ZBED1: variants seen among roughly 807,000 people sequenced by gnomAD.
ZBED1 encodes the protein E3 SUMO-protein ligase ZBED1.
A neutral mutation model predicts 49.7 loss-of-function variants in ZBED1; 19 were observed. The observed-to-expected ratio is 0.38, with a 90% CI of 0.27 to 0.56. The LOEUF is 0.56. Among genes scored for constraint, ZBED1 ranks in the 20% least tolerant of loss-of-function variants. The probability of loss-of-function intolerance (pLI) is 0.70; values close to 1 mark genes in which losing one functional copy is unlikely to be tolerated. For missense variants in ZBED1, 806 were observed against 972.6 expected, an observed-to-expected ratio of 0.83 and a Z score of 2.28; for synonymous variants, 439 against 440.3, an observed-to-expected ratio of 1.00 and a Z score of 0.04.
rs368603209 is a variant in ZBED1 at position 2,489,110 on chromosome X, G to A, written c.1610C>T (p.Thr537Met). 137 of 1,613,602 alleles carry A rather than the reference G, an allele frequency of 8.5e-5. No individual in the cohort carries two copies. The highest frequency in any genetic ancestry group is 2.5e-4 in the East Asian group (11 of 44,886). ...GTTGATGACGCTGGCGGGCGGCGGCGTGGATGTCCGCATGAGCTTCTTGAC... is the reference window on the plus strand; with the variant it reads ...GTTGATGACGCTGGCGGGCGGCGGCATGGATGTCCGCATGAGCTTCTTGAC... ...PPVKKLMRTS[T>M]PPPASVINNM... The change falls in exon 2 of 2, where the codon ACG (threonine) becomes ATG (methionine). Residue 537 changes from threonine to methionine, a missense_variant. Around this residue, in one of 2 missense-constraint regions of ZBED1, gnomAD observed 749 missense variants for 861.3 expected, o/e 0.87. Transcript: ENST00000652001.
rs146206754 is a variant in ZBED1 at position 2,489,090 on chromosome X, T to C, written c.1630A>G (p.Ile544Val). The C allele has an allele frequency of 1.5e-5, 25 of 1,613,878 alleles. 1 individual carries two copies. The highest frequency in any genetic ancestry group is 1.3e-4 in the East Asian group (6 of 44,882). ...AAGATCTCGGCCAGCATGTTGTTGATGACGCTGGCGGGCGGCGGCGTGGAT... is the reference window on the plus strand; with the variant it reads ...AAGATCTCGGCCAGCATGTTGTTGACGACGCTGGCGGGCGGCGGCGTGGAT... Reference protein sequence around the residue: ...RTSTPPPASVINNMLAEIFCQ... With the variant: ...RTSTPPPASVVNNMLAEIFCQ... Residue 544 changes from isoleucine (I) to valine (V), a missense_variant, in exon 2 of 2, where the codon ATC (isoleucine) becomes GTC (valine). Coordinates refer to ENST00000652001, the MANE Select transcript of ZBED1 (RefSeq NM_001171136.2).
chrX:2,489,562 C>A lies in ZBED1; in HGVS notation c.1158G>T (p.Leu386=). Reference sequence around the variant, plus strand: ...CGATGGTGGCCCACTCGCTGGCCTCCAGCATGAGGTGGTGGTTGTTGCTGT... The same window carrying A: ...CGATGGTGGCCCACTCGCTGGCCTCAAGCATGAGGTGGTGGTTGTTGCTGT... The part of the protein sequence containing the change: ...VEDSNNHHLM[L]EASEWATIEG... Residue 386 remains leucine (L), a synonymous_variant, in exon 2 of 2, where the codon CTG becomes CTT. Transcript: ENST00000652001. The A allele has an allele frequency of 6.2e-7, 1 of 1,612,726 alleles. No individual in the cohort carries two copies. The highest frequency in any genetic ancestry group is 8.5e-7 in the Non-Finnish European group (1 of 1,179,828).
chrX:2,490,028 C>T lies in ZBED1; in HGVS notation c.692G>A (p.Arg231His), dbSNP rs1256861585. The T allele has an allele frequency of 3.1e-6, 5 of 1,613,796 alleles. No individual in the cohort carries two copies. Among genetic ancestry groups the T allele is most frequent in the Middle Eastern group, 1.7e-4 (1 of 6,020 alleles). ...GAPNCLSMGS[R>H]CLKTFEVPEE... ...GGGCACCTCGAAGGTCTTCAGGCAG[C>T]GGGAGCCCATGGACAGGCAGTTGGG... Residue 231 changes from arginine (R) to histidine (H), a missense_variant, in exon 2 of 2, where the codon CGC (arginine) becomes CAC (histidine). By Grantham distance (29) the Arg-to-His change is conservative (BLOSUM62 0). Transcript: ENST00000652001.
At chrX:2,496,877 AAAAT>A (rs1204275735) in intron 1 of ZBED1, among the ~76,000 whole-genome samples, 1 of 148,858 alleles carries the variant, frequency 6.7e-6, no homozygotes, top group African/African-American at 2.4e-5. Context: ...AATTATTCTA[AAAAT>A]ATATATATTT....
rs973984226 is a variant in ZBED1, at chrX:2,490,256, G to A, written c.464C>T (p.Thr155Met). ...DEPTFKVLLK[T>M]ADPRYELPSR... Reference sequence around the variant, plus strand: ...GGGCAGCTCATACCGGGGGTCGGCCGTCTTCAGCAGCACCTTGAAGGTGGG... The same window carrying A: ...GGGCAGCTCATACCGGGGGTCGGCCATCTTCAGCAGCACCTTGAAGGTGGG... The change falls in exon 2 of 2, where the codon ACG (threonine) becomes ATG (methionine). Residue 155 changes from threonine to methionine, a missense_variant. Physicochemically the swap from Thr to Met is moderately conservative, Grantham distance 81 (BLOSUM62 -1). Transcript: ENST00000652001. 6 of 1,613,802 alleles carry A rather than the reference G, an allele frequency of 3.7e-6. No individual in the cohort carries two copies. The highest frequency in any genetic ancestry group is 2.2e-5 in the South Asian group (2 of 91,064).
In ZBED1 at chrX:2,492,086, G is replaced by A. The variant is rs185974423; in HGVS notation, c.-53-1314C>T. Reference sequence around the variant, plus strand: ...TGTTGGGATACAGTCAGTGCAAGGAGGCATATTTCAATGATGACTATAGTG... The same window carrying A: ...TGTTGGGATACAGTCAGTGCAAGGAAGCATATTTCAATGATGACTATAGTG... On this transcript the variant is annotated intron_variant, in intron 1 of 1. Transcript: ENST00000652001. 1.7e-3 allele frequency among the ~76,000 whole-genome samples: 261 copies of A among 152,280 alleles called. 2 individuals are homozygous for A. The highest frequency in any genetic ancestry group is 6.1e-3 in the African/African-American group (253 of 41,548).
chrX:2,490,095 C>G lies in ZBED1; in HGVS notation c.625G>C (p.Ala209Pro). Residue 209 changes from alanine (A) to proline (P), a missense_variant, in exon 2 of 2, where the codon GCC (alanine) becomes CCC (proline). By Grantham distance (27) the Ala-to-Pro change is conservative. Coordinates refer to ENST00000652001, the MANE Select transcript of ZBED1 (RefSeq NM_001171136.2). ...DMWRSENQNR[A>P]YVTLAAHFLG... Reference sequence around the variant, plus strand: ...AAGTGGGCGGCCAGCGTGACGTAGGCGCGGTTCTGATTCTCACTCCTCCAC... The same window carrying G: ...AAGTGGGCGGCCAGCGTGACGTAGGGGCGGTTCTGATTCTCACTCCTCCAC... 1 of 1,613,796 alleles carries G rather than the reference C, an allele frequency of 6.2e-7. No homozygotes were observed. Among genetic ancestry groups the G allele is most frequent in the Non-Finnish European group, 8.5e-7 (1 of 1,179,870 alleles).
chrX:2,494,906 T>G (rs1285966901), intron 1 of ZBED1, among the ~76,000 whole-genome samples: 1 of 151,888 alleles, frequency 6.6e-6, no homozygotes, highest in African/African-American at 2.4e-5. Flanking sequence ...ATTCTATTAT[T>G]ATTCTTATTT....
intron 1 of ZBED1, among the ~76,000 whole-genome samples, chrX:2,493,088 A>G (rs1235442689): frequency 6.6e-6 from 1 of 152,170 alleles, no homozygotes; most frequent in Non-Finnish European, 1.5e-5. Flanking sequence ...CTGGGGTGCA[A>G]GGAGGGGGGT....
chrX:2,490,575 T>C lies in ZBED1; in HGVS notation c.145A>G (p.Ile49Val). Residue 49 changes from isoleucine to valine, a missense_variant, in exon 2 of 2, where the codon ATC becomes GTC. By Grantham distance (29) the Ile-to-Val change is conservative. This residue lies in a region of ZBED1 where 57 missense variants were observed against 111.3 expected (regional missense o/e 0.51). Transcript: ENST00000652001. ...ILQWKKIYCR[I>V]CMAQIAYSGN... Reference sequence around the variant, plus strand: ...GAGTAGGCGATCTGGGCCATGCAGATGCGGCAGTAGATTTTCTTCCACTGC... The same window carrying C: ...GAGTAGGCGATCTGGGCCATGCAGACGCGGCAGTAGATTTTCTTCCACTGC... The C allele has an allele frequency of 6.2e-7, 1 of 1,613,968 alleles. No individual in the cohort carries two copies. Among genetic ancestry groups the C allele is most frequent in the Non-Finnish European group, 8.5e-7 (1 of 1,179,858 alleles).
rs148370162 is a variant in ZBED1, at chrX:2,488,885, G to A, written c.1835C>T (p.Thr612Met). 111 of 1,611,198 alleles carry A rather than the reference G, an allele frequency of 6.9e-5. No homozygotes were observed. Among genetic ancestry groups the A allele is most frequent in the Middle Eastern group, 1.7e-4 (1 of 6,032 alleles). Residue 612 changes from threonine to methionine, a missense_variant, in exon 2 of 2, where the codon ACG becomes ATG. Physicochemically the swap from Thr to Met is moderately conservative, Grantham distance 81 (BLOSUM62 -1). Transcript: ENST00000652001. ...ACGCTCAGGGGCGACGCGCGTGGCCGTCACGCACCAGTACTTCTGCAGCAC... is the reference window on the plus strand; with the variant it reads ...ACGCTCAGGGGCGACGCGCGTGGCCATCACGCACCAGTACTTCTGCAGCAC... ...PKVLQKYWCV[T>M]ATRVAPERLF...
intron 1 of ZBED1, among the ~76,000 whole-genome samples, chrX:2,493,785 C>T (rs893443814): frequency 6.6e-6 from 1 of 152,074 alleles, no homozygotes; most frequent in South Asian, 2.1e-4. Context: ...CCCTGGACAA[C>T]ATGGTGAAAC....
Position 2,486,605 on chromosome X carries a change from CGCT to C in ZBED1, c.*2027_*2029del, listed in dbSNP as rs1375124765. 3.9e-5 allele frequency: 6 copies of C among 152,160 alleles called. No individual in the cohort carries two copies. The allele number at this position is 152,160 out of a possible 1,614,324, so 9.4% of individuals were successfully genotyped here. A position where few individuals can be genotyped will look rare whatever the true frequency, so the allele number is the denominator to read the frequency against. On this transcript the variant is annotated 3_prime_UTR_variant, in exon 2 of 2. Coordinates refer to ENST00000652001, the MANE Select transcript of ZBED1 (RefSeq NM_001171136.2). The stretch of plus-strand genomic sequence containing the variant: ...AGGATTGTTAGAGACGTGAAGAGAA[CGCT>C]GGCAATGCTACAGAATGGAGCCCAC...
chrX:2,488,877 G>A lies in ZBED1; in HGVS notation c.1843C>T (p.Arg615Cys), dbSNP rs769523414. 1.6e-5 allele frequency: 25 copies of A among 1,612,374 alleles called. No individual in the cohort carries two copies. Among genetic ancestry groups the A allele is most frequent in the South Asian group, 3.3e-5 (3 of 90,940 alleles). The stretch of plus-strand genomic sequence containing the variant: ...CCGAAGAGACGCTCAGGGGCGACGC[G>A]CGTGGCCGTCACGCACCAGTACTTC... ...LQKYWCVTATRVAPERLFGSA... is the reference protein window; with the variant it reads ...LQKYWCVTATCVAPERLFGSA... Residue 615 changes from arginine (R) to cysteine (C), a missense_variant, in exon 2 of 2, where the codon CGC (arginine) becomes TGC (cysteine). By Grantham distance (180) the Arg-to-Cys change is radical. Around this residue, in one of 2 missense-constraint regions of ZBED1, gnomAD observed 749 missense variants for 861.3 expected, o/e 0.87. Transcript: ENST00000652001.
At position 2,489,614 on chromosome X, in the gene ZBED1, A is replaced by T; in HGVS notation, c.1106T>A (p.Phe369Tyr). Residue 369 changes from phenylalanine to tyrosine, a missense_variant, in exon 2 of 2, where the codon TTC (phenylalanine) becomes TAC (tyrosine). Phe to Tyr is a conservative substitution (Grantham distance 22). Coordinates refer to ENST00000652001, the MANE Select transcript of ZBED1 (RefSeq NM_001171136.2). ...CTCCACCAAGACCCCGGCGATGACG[A>T]ACTGCTGCTCCTTGAGGCGCTGCAG... ...AMLQRLKEQQ[F>Y]VIAGVLVEDS... is the part of the protein sequence containing the mutation. The T allele has an allele frequency of 6.2e-7, 1 of 1,612,646 alleles. No homozygotes were observed. The highest frequency in any genetic ancestry group is 8.5e-7 in the Non-Finnish European group (1 of 1,179,822).
At chrX:2,500,654 G>GCCCCCCCCCCCC (rs546772121) in intron 1 of ZBED1, 163 bp downstream of exon 1, 4 of 126,676 alleles carry the variant, frequency 3.2e-5, no homozygotes, top group Non-Finnish European at 6.6e-5. Flanking sequence ...CGCGCACGCC[G>GCCCCCCCCCCCC]CCCCCCCCCC....
At chrX:2,499,632 C>T (rs1262820881) in intron 1 of ZBED1, among the ~76,000 whole-genome samples, 2 of 151,262 alleles carry the variant, frequency 1.3e-5, no homozygotes, top group Admixed American at 6.6e-5. Flanking sequence ...ATTAGCCAGG[C>T]GTGGTGGCTC....
At chrX:2,495,387 A>T (rs982634607) in intron 1 of ZBED1, among the ~76,000 whole-genome samples, 1 of 151,950 alleles carries the variant, frequency 6.6e-6, no homozygotes, top group African/African-American at 2.4e-5. Flanking sequence ...TATTTAGGTG[A>T]ACAAAGGTTT....
rs757340445 is a variant in ZBED1 at position 2,489,271 on chromosome X, G to A, written c.1449C>T (p.Pro483=). 1.2e-6 allele frequency: 2 copies of A among 1,613,974 alleles called. No individual in the cohort carries two copies. The highest frequency in any genetic ancestry group is 1.1e-5 in the South Asian group (1 of 91,080). The change falls in exon 2 of 2, where the codon CCC becomes CCT. Residue 483 remains proline, a synonymous_variant. Transcript: ENST00000652001. ...TFLDPRYKRL[P]FLSAFERQQV... ...GCTGCCGCTCGAAGGCGGAGAGGAA[G>A]GGCAGCCTCTTGTAGCGGGGGTCCA...
Sources: allele counts gnomAD v4.1 joint callset (sites outside exome capture counted in the v4.1 genomes callset), GRCh38; gene constraint gnomAD v4.1.1; regional missense constraint gnomAD v4.1.1; transcripts MANE v1.5; gene names NCBI Gene and HGNC (gene_info 2026-07-23, HGNC 2026-07-21).